ITPR3: variants seen among roughly 807,000 people sequenced by gnomAD.
ITPR3 encodes inositol 1,4,5-trisphosphate receptor type 3, also known as inositol 1,4,5-trisphosphate-gated calcium channel ITPR3.
ITPR3 carries 173 observed loss-of-function variants against 293.2 expected under a neutral mutation model. That is an observed-to-expected ratio of 0.59 (90% CI 0.52 to 0.67). The LOEUF (loss-of-function observed/expected upper bound fraction) is 0.67, where lower values mean the gene tolerates loss of function less well. ITPR3 is among the 30% of genes least tolerant of loss of function. The pLI is 0.00. For synonymous variants in ITPR3, 1,295 were observed against 1,444.4 expected (o/e 0.90, Z 2.35); for missense variants, 2,796 against 3,592.1 (o/e 0.78, Z 5.66).
chr6:33,672,042 G>C lies in ITPR3; in HGVS notation c.2742G>C (p.Arg914=). Residue 914 remains arginine, a synonymous_variant, in exon 22 of 58, where the codon CGG becomes CGC. Coordinates refer to ENST00000605930, the MANE Select transcript of ITPR3 (RefSeq NM_002224.4). The surrounding 1 kb of genome is among the most constrained non-coding windows in gnomAD (Gnocchi z 5.0). ...AYEDPGGKNV[R]RSIQGVGHMM... The stretch of plus-strand genomic sequence containing the variant: ...CCCCCTCCACAGGCAAGAATGTGCG[G>C]CGGTCCATCCAGGGCGTGGGGCACA... 6.2e-7 allele frequency: 1 copy of C among 1,604,996 alleles called. No individual in the cohort carries two copies. The highest frequency in any genetic ancestry group is 8.5e-7 in the Non-Finnish European group (1 of 1,174,424).
Position 33,684,280 on chromosome 6 carries a change from T to A in ITPR3, c.4938-77T>A. The A allele has an allele frequency of 6.3e-7, 1 of 1,593,090 alleles. No individual in the cohort carries two copies. Among genetic ancestry groups the A allele is most frequent in the South Asian group, 1.1e-5 (1 of 90,592 alleles). ...GGGTCAGAGGGCCTGGGGGTGTTCCTGCCTGGGATGGGGTGGGGAAGTAGC... is the reference window on the plus strand; with the variant it reads ...GGGTCAGAGGGCCTGGGGGTGTTCCAGCCTGGGATGGGGTGGGGAAGTAGC... On this transcript the variant is annotated intron_variant, in intron 36 of 57. Coordinates refer to ENST00000605930, the MANE Select transcript of ITPR3 (RefSeq NM_002224.4). This position sits in a 1 kb window ranked among gnomAD's most constrained non-coding sequence, Gnocchi z 4.2.
At position 33,658,720 on chromosome 6, in the gene ITPR3, GGC is replaced by G; in HGVS notation, c.421_422del (p.Ala141LeufsTer114). The G allele has an allele frequency of 6.2e-7, 1 of 1,614,204 alleles. No homozygotes were observed. The highest frequency in any genetic ancestry group is 8.5e-7 in the Non-Finnish European group (1 of 1,180,038). The part of the protein sequence containing the change: ...KYLTVNKRLP[A>X]LLEKNAMRVT... ...ACCTGACAGTGAACAAGCGGCTTCC[GGC>G]CTTGCTGGAGAAGAACGCCATGCGG... On this transcript the variant is annotated frameshift_variant, in exon 5 of 58. Transcript: ENST00000605930. LOFTEE classifies it high-confidence loss of function. The surrounding 1 kb of genome is among the most constrained non-coding windows in gnomAD (Gnocchi z 6.1).
At chr6:33,678,964 AC>A in intron 30 of ITPR3, 125 bp downstream of exon 30, 2 of 955,446 alleles carry the variant, frequency 2.1e-6, no homozygotes, top group Non-Finnish European at 3.2e-6. Context: ...TCAGCTGCTG[AC>A]CATGGAGGGG....
At position 33,688,995 on chromosome 6, in the gene ITPR3, G is replaced by A. The variant is rs142873197; in HGVS notation, c.6694+214G>A. On this transcript the variant is annotated intron_variant, in intron 49 of 57. Transcript: ENST00000605930. Reference sequence around the variant, plus strand: ...AGGGTCTTTGACCTCATGGGAGATGGCGCATGCAGGCACGTGCACACGCAT... The same window carrying A: ...AGGGTCTTTGACCTCATGGGAGATGACGCATGCAGGCACGTGCACACGCAT... Among the ~76,000 whole-genome samples, 160 of 152,342 alleles carry A rather than the reference G, an allele frequency of 1.1e-3. No individual in the cohort carries two copies. The Middle Eastern group carries it at 0.017, about 16-fold the overall frequency.
intron 2 of ITPR3, among the ~76,000 whole-genome samples, chr6:33,645,026 C>T (rs896890301): frequency 1.3e-5 from 2 of 151,338 alleles, no homozygotes; most frequent in East Asian, 1.9e-4. Context: ...TCCTTTTGCA[C>T]TTTTTAAATT....
At position 33,655,574 on chromosome 6, in the gene ITPR3, C is replaced by G. The variant is rs529007788; in HGVS notation, c.161-192C>G. Among the ~76,000 whole-genome samples, 1 of 152,314 alleles carries G rather than the reference C, an allele frequency of 6.6e-6. No homozygotes were observed. On this transcript the variant is annotated intron_variant, in intron 2 of 57. Transcript: ENST00000605930. This position sits in a 1 kb window ranked among gnomAD's most constrained non-coding sequence, Gnocchi z 4.9. ...CTCTCAAACCTGCCTCTGAGCCTCC[C>G]CATTCTACTCAGCATATTCCAGGAT... is the stretch of plus-strand genomic sequence containing the variant.
chr6:33,663,594 TG>T, intron 10 of ITPR3, 44 bp downstream of exon 10: 1 of 1,597,858 alleles, frequency 6.3e-7, no homozygotes, highest in Non-Finnish European at 8.6e-7. Flanking sequence ...GGGCCTGCCC[TG>T]GGGGTAGGCG....
At chr6:33,689,088 G>A (rs1765319459) in intron 49 of ITPR3, 150 bp from the exon 50 acceptor site, 1 of 914,560 alleles carries the variant, frequency 1.1e-6, no homozygotes, top group Non-Finnish European at 1.7e-6. Flanking sequence ...AGGCCTGAGA[G>A]GCAGGTGTAA....
chr6:33,680,818 A>ATATT, intron 33 of ITPR3, 138 bp downstream of exon 33: 2 of 837,646 alleles, frequency 2.4e-6, no homozygotes, highest in African/African-American at 1.9e-5. Flanking sequence ...TGTATTGGTT[A>ATATT]TCTTTTTTTT....
intron 1 of ITPR3, among the ~76,000 whole-genome samples, chr6:33,627,032 T>G (rs1318500488): frequency 6.6e-6 from 1 of 152,194 alleles, no homozygotes; most frequent in East Asian, 1.9e-4. Context: ...GGTCTTGAAC[T>G]GCTGACCTCA....
rs758747831 is a variant in ITPR3, at chr6:33,680,028, C to T, written c.4119C>T (p.Ala1373=). ...ACATTTCCCTGGTGGACCTGCTGGC[C>T]GCCTGTGCCGAGGGCAAAAACGTCT... ...MYHISLVDLL[A]ACAEGKNVYT... Residue 1373 remains alanine, a synonymous_variant, in exon 31 of 58, where the codon GCC becomes GCT. Transcript: ENST00000605930. 51 of 1,613,848 alleles carry T rather than the reference C, an allele frequency of 3.2e-5. No homozygotes were observed. Among genetic ancestry groups the T allele is most frequent in the Non-Finnish European group, 4.2e-5 (49 of 1,180,034 alleles).
chr6:33,694,989 G>A lies in ITPR3; in HGVS notation c.7851G>A (p.Gly2617=), dbSNP rs111635710. The stretch of plus-strand genomic sequence containing the variant: ...CCCTTGTCAGCAATGAGGGCGAGGG[G>A]GAGCAGAATGAGATTCGGATTCTCC... ...AMSLVSNEGE[G]EQNEIRILQD... Residue 2617 remains glycine, a synonymous_variant, in exon 57 of 58, where the codon GGG becomes GGA. Coordinates refer to ENST00000605930, the MANE Select transcript of ITPR3 (RefSeq NM_002224.4). The A allele has an allele frequency of 8.1e-6, 13 of 1,614,160 alleles. No homozygotes were observed. The highest frequency in any genetic ancestry group is 8.0e-5 in the African/African-American group (6 of 75,054).
Position 33,678,729 on chromosome 6 carries a change from C to A in ITPR3, c.3862C>A (p.His1288Asn). The change falls in exon 30 of 58, where the codon CAC becomes AAC. Residue 1288 changes from histidine (H) to asparagine (N), a missense_variant. By Grantham distance (68) the His-to-Asn change is moderately conservative (BLOSUM62 1). Transcript: ENST00000605930. ...CGAGCCTGTGTTGCAGCACTTCGTG[C>A]ACCTGCTGGCCACGCACGGGCGCCA... is the stretch of plus-strand genomic sequence containing the variant. The part of the protein sequence containing the change: ...ISEPVLQHFV[H>N]LLATHGRHVQ... 1.2e-6 allele frequency: 2 copies of A among 1,613,466 alleles called. No individual in the cohort carries two copies. Among genetic ancestry groups the A allele is most frequent in the Non-Finnish European group, 1.7e-6 (2 of 1,179,864 alleles).
rs1222694152 is a variant in ITPR3 at position 33,691,520 on chromosome 6, G to A, written c.7226-95G>A. 9.7e-7 allele frequency: 1 copy of A among 1,026,418 alleles called. No individual in the cohort carries two copies. The highest frequency in any genetic ancestry group is 1.5e-6 in the Non-Finnish European group (1 of 679,980). The allele number at this position is 1,026,418 out of a possible 1,614,324, so 63.6% of individuals were successfully genotyped here. ...GTGGAGGGCTGGCGATCCAGGACCA[G>A]GGAAGGTTTCCTGGAGGATGTGACA... On this transcript the variant is annotated intron_variant, in intron 52 of 57. Coordinates refer to ENST00000605930, the MANE Select transcript of ITPR3 (RefSeq NM_002224.4). This position sits in a 1 kb window ranked among gnomAD's most constrained non-coding sequence, Gnocchi z 4.9.
intron 42 of ITPR3, 58 bp from the exon 43 acceptor site, chr6:33,686,351 G>A: frequency 6.3e-7 from 1 of 1,590,918 alleles, no homozygotes; most frequent in Non-Finnish European, 8.6e-7. Context: ...TGAGGTCTCT[G>A]GAGCTGCCAC....
At chr6:33,668,110 C>T in intron 16 of ITPR3, 146 bp downstream of exon 16, 1 of 886,172 alleles carries the variant, frequency 1.1e-6, no homozygotes, top group Non-Finnish European at 1.7e-6. Flanking sequence ...ACTGGGAGGC[C>T]CTAGCCTCCC....
In ITPR3 at chr6:33,684,459, G is replaced by A; in HGVS notation, c.5040G>A (p.Gly1680=). 1 of 1,613,964 alleles carries A rather than the reference G, an allele frequency of 6.2e-7. No individual in the cohort carries two copies. Among genetic ancestry groups the A allele is most frequent in the South Asian group, 1.1e-5 (1 of 91,076 alleles). The part of the protein sequence containing the change: ...QQMLLKKTKY[G]DRGNQLRKML... ...TGCTGCTCAAGAAGACCAAGTACGG[G>A]GACCGGGTGAGTGCCCTGGTGGGGC... The change falls in exon 37 of 58, where the codon GGG becomes GGA. Residue 1680 remains glycine, a synonymous_variant. Transcript: ENST00000605930. The surrounding 1 kb of genome is among the most constrained non-coding windows in gnomAD (Gnocchi z 4.2).
At position 33,621,743 on chromosome 6, in the gene ITPR3, C is replaced by A; in HGVS notation, c.89+52C>A. On this transcript the variant is annotated intron_variant, in intron 1 of 57. Transcript: ENST00000605930. The surrounding 1 kb of genome is among the most constrained non-coding windows in gnomAD (Gnocchi z 7.7). ...GCGGGTAAAGAGGGGGCGCCGTGGG[C>A]CCTGGTGCCAGCTGCGTGCGTCCAG... 1.9e-5 allele frequency: 26 copies of A among 1,405,146 alleles called. No individual in the cohort carries two copies. The highest frequency in any genetic ancestry group is 2.5e-5 in the Non-Finnish European group (25 of 1,012,498). 87.0% of individuals were successfully genotyped at this position (1,405,146 alleles called of 1,614,324 possible).
intron 39 of ITPR3, 152 bp downstream of exon 39, chr6:33,685,095 G>C (rs1054934715): frequency 3.1e-6 from 3 of 969,528 alleles, no homozygotes; most frequent in African/African-American, 3.3e-5. Context: ...GGGCATGATG[G>C]GGGCAGGGTG....
Sources: gnomAD v4.1 joint callset for allele counts (sites outside exome capture counted in the v4.1 genomes callset) on GRCh38, gnomAD v4.1.1 for gene constraint, Gnocchi (gnomAD v3.1) non-coding constraint, MANE v1.5 for transcripts, NCBI Gene and HGNC (gene_info 2026-07-23, HGNC 2026-07-21) for gene names.